Variants in EPHB1 observed in about 807,000 individuals in gnomAD.
The protein encoded by EPHB1 is ephrin type-B receptor 1.
A neutral mutation model predicts 94.4 loss-of-function variants in EPHB1; 30 were observed. That is an observed-to-expected ratio of 0.32 (90% CI 0.24 to 0.43). The LOEUF (loss-of-function observed/expected upper bound fraction) is 0.43. EPHB1 is among the 20% of genes least tolerant of loss of function. The pLI is 1.00. For missense variants in EPHB1, 1,055 were observed against 1,308.3 expected (o/e 0.81, Z 2.99); for synonymous variants, 522 against 489.1 (o/e 1.07, Z -0.89).
rs188231787 is a variant in EPHB1, at chr3:135,054,570, C to A, written c.806-51878C>A. 6.2e-3 allele frequency among the ~76,000 whole-genome samples: 947 copies of A among 152,280 alleles called. 4 individuals carry two copies. Among genetic ancestry groups the A allele is most frequent in the Non-Finnish European group, 9.2e-3 (625 of 68,024 alleles). ...GAGCACAGAGCACAGCCAGCTAACC[C>A]CCCCATTATTGTTGTATCAATAGCC... On this transcript the variant is annotated intron_variant, in intron 3 of 15. Coordinates refer to ENST00000398015, the MANE Select transcript of EPHB1 (RefSeq NM_004441.5).
intron 9 of EPHB1, among the ~76,000 whole-genome samples, chr3:135,169,823 G>A (rs1008578862): frequency 6.6e-6 from 1 of 152,168 alleles, no homozygotes; most frequent in Admixed American, 6.5e-5. Flanking sequence ...TGACTAAGTA[G>A]CAGAGGCAGA....
intron 9 of EPHB1, among the ~76,000 whole-genome samples, chr3:135,168,471 C>G (rs936812846): frequency 6.6e-6 from 1 of 152,184 alleles, no homozygotes. Flanking sequence ...TTCCTATGGC[C>G]GGACTGTGTG....
At chr3:135,214,516 G>T (rs1341105970) in intron 12 of EPHB1, among the ~76,000 whole-genome samples, 1 of 152,156 alleles carries the variant, frequency 6.6e-6, no homozygotes, top group African/African-American at 2.4e-5. Flanking sequence ...TGAACCTGCT[G>T]GAGGAAGCCA....
chr3:134,846,693 G>A (rs114201402), intron 1 of EPHB1, among the ~76,000 whole-genome samples: 1,889 of 152,150 alleles, frequency 0.012, 19 homozygotes, highest in South Asian at 0.037. Context: ...TTTGCAGGAG[G>A]TGTTTTGGGA....
chr3:134,993,571 G>A (rs1178017599), intron 3 of EPHB1, among the ~76,000 whole-genome samples: 1 of 152,140 alleles, frequency 6.6e-6, no homozygotes, highest in Non-Finnish European at 1.5e-5. Flanking sequence ...AGTACAAGGA[G>A]CCCAGAAAAC....
At chr3:134,860,462 C>T (rs2037229887) in intron 1 of EPHB1, among the ~76,000 whole-genome samples, 1 of 152,124 alleles carries the variant, frequency 6.6e-6, no homozygotes, top group Non-Finnish European at 1.5e-5. Flanking sequence ...GCAGTTTTGA[C>T]TATATGCACC....
intron 9 of EPHB1, among the ~76,000 whole-genome samples, chr3:135,178,705 T>C (rs893395089): frequency 2.0e-5 from 3 of 152,056 alleles, no homozygotes; most frequent in African/African-American, 7.2e-5. Flanking sequence ...GGTGCTAAAA[T>C]GGAGCTCATG....
chr3:135,128,702 C>T (rs888866813), intron 4 of EPHB1, among the ~76,000 whole-genome samples: 2 of 152,258 alleles, frequency 1.3e-5, no homozygotes, highest in East Asian at 3.9e-4. Context: ...AGTTTTCTCT[C>T]ACTGGAATAT....
intron 12 of EPHB1, among the ~76,000 whole-genome samples, chr3:135,236,159 G>T (rs1943647634): frequency 6.6e-6 from 1 of 152,286 alleles, no homozygotes; most frequent in East Asian, 1.9e-4. Flanking sequence ...GGTGTTGGCA[G>T]GGTCGTTCTC....
Position 135,227,536 on chromosome 3 carries a change from ACC to A in EPHB1, c.2347-13611_2347-13610del, listed in dbSNP as rs1321147131. Among the ~76,000 whole-genome samples the A allele has an allele frequency of 1.3e-4, 20 of 152,180 alleles. No individual in the cohort carries two copies. In the South Asian group the frequency reaches 4.2e-3, roughly 32 times the overall value. On this transcript the variant is annotated intron_variant, in intron 12 of 15. Coordinates refer to ENST00000398015, the MANE Select transcript of EPHB1 (RefSeq NM_004441.5). ...TACTTAATGACTTATCCTGAATATT[ACC>A]TTTCCCCTTCAGCGCCTCACTTCAT... is the stretch of plus-strand genomic sequence containing the variant.
chr3:134,943,283 C>T (rs912945684), intron 2 of EPHB1, among the ~76,000 whole-genome samples: 4 of 152,322 alleles, frequency 2.6e-5, no homozygotes, highest in African/African-American at 9.6e-5. Flanking sequence ...GTCAGAACAT[C>T]AGCAACAACA....
intron 1 of EPHB1, among the ~76,000 whole-genome samples, chr3:134,807,090 T>G (rs567037975): frequency 1.1e-4 from 17 of 152,302 alleles, no homozygotes; most frequent in Middle Eastern, 3.4e-3. Flanking sequence ...TGAGAGATGA[T>G]GCAGCCCCAT....
chr3:135,242,950 C>A (rs1559888281), intron 13 of EPHB1, among the ~76,000 whole-genome samples: 2 of 151,818 alleles, frequency 1.3e-5, no homozygotes, highest in Non-Finnish European at 2.9e-5. Flanking sequence ...GTGGCACATG[C>A]CTGTAATCTC....
chr3:135,110,599 C>A (rs1939401610), intron 4 of EPHB1, among the ~76,000 whole-genome samples: 1 of 152,172 alleles, frequency 6.6e-6, no homozygotes, highest in Non-Finnish European at 1.5e-5. Flanking sequence ...GAATTAAAAG[C>A]CAGCAAGCAA....
chr3:135,233,277 C>T (rs1943574903), intron 12 of EPHB1, among the ~76,000 whole-genome samples: 1 of 152,226 alleles, frequency 6.6e-6, no homozygotes, highest in Non-Finnish European at 1.5e-5. Context: ...TGGGTAAATA[C>T]ACCCATTCCA....
chr3:134,875,673 C>T (rs1257743539), intron 1 of EPHB1, among the ~76,000 whole-genome samples: 3 of 152,086 alleles, frequency 2.0e-5, no homozygotes, highest in Non-Finnish European at 2.9e-5. Context: ...TGTTTTTGAG[C>T]GGGCTGGAAA....
chr3:134,886,254 C>T (rs1380211085), intron 1 of EPHB1, among the ~76,000 whole-genome samples: 1 of 152,216 alleles, frequency 6.6e-6, no homozygotes, highest in Non-Finnish European at 1.5e-5. Context: ...TGAGCCCCAG[C>T]ACCATCATCT....
At chr3:134,833,408 A>G (rs1003605899) in intron 1 of EPHB1, among the ~76,000 whole-genome samples, 2 of 152,194 alleles carry the variant, frequency 1.3e-5, no homozygotes, top group Admixed American at 1.3e-4. Context: ...CAGCACTTGG[A>G]ACACAATTTT....
At chr3:135,126,992 A>G (rs1241422695) in intron 4 of EPHB1, among the ~76,000 whole-genome samples, 1 of 152,116 alleles carries the variant, frequency 6.6e-6, no homozygotes, top group African/African-American at 2.4e-5. Flanking sequence ...TACTACTACT[A>G]CCACTAGCCT....
Sources: allele counts gnomAD v4.1 joint callset (sites outside exome capture counted in the v4.1 genomes callset), GRCh38; gene constraint gnomAD v4.1.1; transcripts MANE v1.5; gene names NCBI Gene and HGNC (gene_info 2026-07-23, HGNC 2026-07-21).